CCNH: variants seen among roughly 807,000 people sequenced by gnomAD.
CCNH encodes the protein cyclin H.
Under a neutral mutation model 41.9 loss-of-function variants are expected in CCNH, and 31 were observed. The ratio of observed to expected loss-of-function variants is 0.74; its 90% confidence interval spans 0.56 to 1.00. The LOEUF is 1.00. CCNH is among the 50% of genes least tolerant of loss of function. CCNH has a pLI of 0.00. For synonymous variants in CCNH, 138 were observed against 136.1 expected (o/e 1.01, Z -0.10); for missense variants, 362 against 388.4 (o/e 0.93, Z 0.57).
intron 9 of CCNH, among the ~76,000 whole-genome samples, chr5:87,338,536 A>ATATATATATATATATATATATTTTTTTTT: frequency 1.2e-5 from 1 of 85,216 alleles, no homozygotes; most frequent in Non-Finnish European, 2.3e-5. Context: ...TATATATAAA[A>ATATATATATATATATATATATTTTTTTTT]TTTTTTTTTT....
At chr5:87,337,526 TTATG>T (rs1182317343) in intron 9 of CCNH, among the ~76,000 whole-genome samples, 1 of 152,066 alleles carries the variant, frequency 6.6e-6, no homozygotes, top group African/African-American at 2.4e-5. Flanking sequence ...ACTCTATATC[TTATG>T]TATGTATAGT....
intron 9 of CCNH, among the ~76,000 whole-genome samples, chr5:87,359,054 A>C (rs1343041849): frequency 6.6e-6 from 1 of 152,088 alleles, no homozygotes; most frequent in Admixed American, 6.6e-5. Context: ...TTTATTTTTA[A>C]TCTTTCCCTG....
At chr5:87,323,313 G>A (rs1381692361) in intron 9 of CCNH, among the ~76,000 whole-genome samples, 1 of 152,082 alleles carries the variant, frequency 6.6e-6, no homozygotes, top group African/African-American at 2.4e-5. Flanking sequence ...CGCATAATAG[G>A]AGCTTAAAAA....
chr5:87,330,360 TAA>T (rs1757521106), intron 9 of CCNH, among the ~76,000 whole-genome samples: 1 of 152,124 alleles, frequency 6.6e-6, no homozygotes, highest in Admixed American at 6.6e-5. Context: ...AGATTACAAA[TAA>T]ACTTTGGTAA....
intron 9 of CCNH, among the ~76,000 whole-genome samples, chr5:87,370,572 A>G (rs1220665956): frequency 6.6e-6 from 1 of 152,214 alleles, no homozygotes; most frequent in African/African-American, 2.4e-5. Context: ...TGAGGCAGGA[A>G]GATTGCATTA....
At chr5:87,324,475 T>C (rs1452076285) in intron 9 of CCNH, among the ~76,000 whole-genome samples, 1 of 152,210 alleles carries the variant, frequency 6.6e-6, no homozygotes, top group African/African-American at 2.4e-5. Context: ...ATGTTAGTCT[T>C]TTAGTGAATT....
rs775925107 is a variant in CCNH, at chr5:87,404,990, C to T, written c.543G>A (p.Leu181=). The change falls in exon 5 of 9, where the codon TTG becomes TTA. Residue 181 remains leucine (L), a synonymous_variant. Transcript: ENST00000256897. ...LIDLKTRYPI[L]ENPEILRKTA... ...TTTTCCTCAAAATCTCTGGATTCTC[C>T]AATATGGGATAGCGGGTCTACAAAG... The T allele has an allele frequency of 6.2e-7, 1 of 1,612,666 alleles. No homozygotes were observed. The highest frequency in any genetic ancestry group is 8.5e-7 in the Non-Finnish European group (1 of 1,179,300).
chr5:87,311,571 C>T, the CCNH span, among the ~76,000 whole-genome samples: 1 of 152,214 alleles, frequency 6.6e-6, no homozygotes, highest in Non-Finnish European at 1.5e-5. Flanking sequence ...AGATTAGATG[C>T]AAGCTTCCAG....
chr5:87,350,190 A>G (rs571114533), intron 9 of CCNH, among the ~76,000 whole-genome samples: 8 of 151,966 alleles, frequency 5.3e-5, no homozygotes, highest in African/African-American at 9.6e-5. Context: ...AAGTTCTTCT[A>G]GTTGCTTGCT....
chr5:87,399,889 T>TA (rs1307589210), intron 6 of CCNH, among the ~76,000 whole-genome samples: 1 of 152,190 alleles, frequency 6.6e-6, no homozygotes, highest in Non-Finnish European at 1.5e-5. Context: ...TTCTATTCCA[T>TA]AGACAGTGGG....
chr5:87,334,889 C>CTT (rs1353348896), intron 9 of CCNH, among the ~76,000 whole-genome samples: 1 of 145,126 alleles, frequency 6.9e-6, no homozygotes. Context: ...TAGTTTGTTC[C>CTT]TTTTTTTTTT....
downstream of CCNH, among the ~76,000 whole-genome samples, chr5:87,314,717 T>C (rs899696611): frequency 3.9e-5 from 6 of 151,938 alleles, no homozygotes; most frequent in African/African-American, 9.7e-5. Context: ...AGAAAGGCTG[T>C]GGGACGAATG....
downstream of CCNH, chr5:87,387,021 C>G: frequency 1.0e-6 from 1 of 981,962 alleles, no homozygotes; most frequent in Non-Finnish European, 1.5e-6. Context: ...AGACAAAAAG[C>G]CTGCAAATTT....
intron 9 of CCNH, among the ~76,000 whole-genome samples, chr5:87,358,043 A>G (rs1284502213): frequency 1.3e-5 from 2 of 152,172 alleles, no homozygotes; most frequent in African/African-American, 4.8e-5. Context: ...CAGGGTTTTA[A>G]CTATTAGTAC....
At chr5:87,362,945 A>AT (rs1760228571) in intron 9 of CCNH, among the ~76,000 whole-genome samples, 1 of 149,750 alleles carries the variant, frequency 6.7e-6, no homozygotes. Flanking sequence ...CACATGGCAC[A>AT]TTCATAATAT....
At chr5:87,389,771 TG>T (rs1762352245), downstream of CCNH, among the ~76,000 whole-genome samples, 1 of 152,208 alleles carries the variant, frequency 6.6e-6, no homozygotes, top group Non-Finnish European at 1.5e-5. Flanking sequence ...TGGAAAACAG[TG>T]TAATAACACT....
intron 9 of CCNH, among the ~76,000 whole-genome samples, chr5:87,322,211 G>T (rs1455839996): frequency 6.6e-6 from 1 of 152,100 alleles, no homozygotes; most frequent in Non-Finnish European, 1.5e-5. Context: ...TCTATGGCCT[G>T]TTAGGAGCTG....
At chr5:87,376,155 C>G (rs1761311647), downstream of CCNH, 3 of 555,238 alleles carry the variant, frequency 5.4e-6, no homozygotes, top group Admixed American at 9.3e-5. Flanking sequence ...AAACTGACCT[C>G]TATGCAACTC....
downstream of CCNH, among the ~76,000 whole-genome samples, chr5:87,375,902 C>G (rs1761290369): frequency 6.6e-6 from 1 of 152,146 alleles, no homozygotes; most frequent in African/African-American, 2.4e-5. Flanking sequence ...AATCCAAACC[C>G]CATAGTAATG....
Sources: allele counts gnomAD v4.1 joint callset (sites outside exome capture counted in the v4.1 genomes callset), GRCh38; gene constraint gnomAD v4.1.1; transcripts MANE v1.5; gene names NCBI Gene and HGNC (gene_info 2026-07-23, HGNC 2026-07-21).